The following WDR17 variants were observed in gnomAD, a reference collection of about 807,000 sequenced individuals.
WDR17 encodes the protein WD repeat-containing protein 17.
WDR17 carries 143 observed loss-of-function variants against 161.7 expected under a neutral mutation model. That is an observed-to-expected ratio of 0.88 (90% CI 0.77 to 1.02). The LOEUF (loss-of-function observed/expected upper bound fraction) is 1.02, where lower values mean the gene tolerates loss of function less well. WDR17 is among the 50% of genes least tolerant of loss of function. The pLI is 0.00. For missense variants in WDR17, 1,469 were observed against 1,520.9 expected (o/e 0.97, Z 0.57); for synonymous variants, 517 against 515.6 (o/e 1.00, Z -0.04).
intron 1 of WDR17, among the ~76,000 whole-genome samples, chr4:176,076,408 GTT>G (rs564678477): frequency 1.8e-5 from 2 of 109,338 alleles, no homozygotes; most frequent in African/African-American, 3.5e-5. Context: ...GTCGTTGTTG[GTT>G]TTTTTTTTTT....
chr4:176,105,018 T>G (rs957924733), intron 1 of WDR17, among the ~76,000 whole-genome samples: 4 of 150,934 alleles, frequency 2.7e-5, no homozygotes, highest in African/African-American at 4.9e-5. Context: ...ACAAATAGAT[T>G]GAAAGTAAAA....
At chr4:176,128,966 A>G in intron 6 of WDR17, 106 bp downstream of exon 6, 2 of 1,038,838 alleles carry the variant, frequency 1.9e-6, no homozygotes, top group East Asian at 3.1e-5. Flanking sequence ...CTGAAAAGCA[A>G]TTTTTAAAAA....
At chr4:176,170,435 C>T (rs900732025) in intron 23 of WDR17, among the ~76,000 whole-genome samples, 3 of 151,836 alleles carry the variant, frequency 2.0e-5, no homozygotes, top group Admixed American at 6.6e-5. Context: ...CCTGCCCCAC[C>T]CTCCCAAGTA....
At chr4:176,162,306 T>G in intron 21 of WDR17, 132 bp downstream of exon 21, 1 of 666,472 alleles carries the variant, frequency 1.5e-6, no homozygotes, top group Non-Finnish European at 2.5e-6. Context: ...AGTAATTAAG[T>G]AATTACATTC....
intron 17 of WDR17, among the ~76,000 whole-genome samples, chr4:176,152,367 C>T (rs1229208291): frequency 2.7e-5 from 4 of 147,226 alleles, no homozygotes; most frequent in South Asian, 2.2e-4. Flanking sequence ...GAGGCCAAGT[C>T]GGGTGGATCA....
At chr4:176,084,495 T>C (rs962047776) in intron 1 of WDR17, among the ~76,000 whole-genome samples, 3 of 151,890 alleles carry the variant, frequency 2.0e-5, no homozygotes, top group Non-Finnish European at 4.4e-5. Flanking sequence ...CCTCCAACAT[T>C]GTGATCAAAT....
intron 1 of WDR17, among the ~76,000 whole-genome samples, chr4:176,103,438 GA>G (rs143016566): frequency 0.03 from 4,535 of 150,214 alleles, 220 homozygotes; most frequent in African/African-American, 0.1. Context: ...TCTTTCAGTG[GA>G]AAAAAAAATA....
At position 176,146,135 on chromosome 4, in the gene WDR17, T is replaced by C. The variant is rs1052286887; in HGVS notation, c.1670T>C (p.Ile557Thr). The change falls in exon 12 of 29, where the codon ATT (isoleucine) becomes ACT (threonine). Residue 557 changes from isoleucine (I) to threonine (T), a missense_variant. By Grantham distance (89) the Ile-to-Thr change is moderately conservative. Coordinates refer to ENST00000508596, the MANE Select transcript of WDR17 (RefSeq NM_181265.4). ...AAATGGTCTCCTCTGAGAGAGGGAA[T>C]TCTTTGCAGTGGTTCTGATGATGGG... ...HVKWSPLREG[I>T]LCSGSDDGTV... is the part of the protein sequence containing the mutation. 2 of 1,613,656 alleles carry C rather than the reference T, an allele frequency of 1.2e-6. No homozygotes were observed. Among genetic ancestry groups the C allele is most frequent in the Non-Finnish European group, 1.7e-6 (2 of 1,179,800 alleles).
At chr4:176,128,949 T>TATCTGAAATGCACTGAA in intron 6 of WDR17, 89 bp downstream of exon 6, 1 of 1,226,452 alleles carries the variant, frequency 8.2e-7, no homozygotes, top group Non-Finnish European at 1.1e-6. Context: ...TCAAATACTA[T>TATCTGAAATGCACTGAA]ATGCCACTGA....
chr4:176,071,811 T>C (rs946862529), intron 1 of WDR17, among the ~76,000 whole-genome samples: 3 of 152,232 alleles, frequency 2.0e-5, no homozygotes, highest in Non-Finnish European at 1.5e-5. Flanking sequence ...CATATAATTT[T>C]CATTTTCATG....
chr4:176,163,561 C>T (rs1217548535), intron 22 of WDR17, among the ~76,000 whole-genome samples: 1 of 152,176 alleles, frequency 6.6e-6, no homozygotes, highest in Non-Finnish European at 1.5e-5. Context: ...CATGAGACAA[C>T]AAATGTGCTC....
rs1381813960 is a variant in WDR17, at chr4:176,115,987, T to A, written c.307+8T>A. ...AACTCGACAGTACAAAAGGTATAAT[T>A]ACAACTGGGATTTATTTTATGGAAT... On this transcript the variant is annotated splice_region_variant and intron_variant, in intron 3 of 28. Transcript: ENST00000508596. The A allele has an allele frequency of 6.3e-7, 1 of 1,586,042 alleles. No homozygotes were observed. Among genetic ancestry groups the A allele is most frequent in the East Asian group, 2.3e-5 (1 of 43,398 alleles).
chr4:176,120,907 T>C (rs9999477), intron 4 of WDR17, among the ~76,000 whole-genome samples: 38,879 of 151,972 alleles, frequency 0.26, 5,165 homozygotes, highest in African/African-American at 0.31. Flanking sequence ...AAAATTTAAA[T>C]AAATCTTTCT....
rs575149030 is a variant in WDR17, at chr4:176,110,270, T to G, written c.-6-1305T>G. Among the ~76,000 whole-genome samples, 590 of 152,236 alleles carry G rather than the reference T, an allele frequency of 3.9e-3. 5 individuals are homozygous for G. The highest frequency in any genetic ancestry group is 0.013 in the African/African-American group (541 of 41,540). Reference sequence around the variant, plus strand: ...CATTCTCCTGCCTCAGCCTCCTGAGTAGCTGGGACCACAGGTGCCCGTCAC... The same window carrying G: ...CATTCTCCTGCCTCAGCCTCCTGAGGAGCTGGGACCACAGGTGCCCGTCAC... On this transcript the variant is annotated intron_variant, in intron 1 of 28. Coordinates refer to ENST00000508596, the MANE Select transcript of WDR17 (RefSeq NM_181265.4).
Position 176,130,740 on chromosome 4 carries a change from G to A in WDR17, c.914-814G>A, listed in dbSNP as rs376579385. On this transcript the variant is annotated intron_variant, in intron 6 of 28. Transcript: ENST00000508596. Reference sequence around the variant, plus strand: ...AGCCCGGGCAACAGAGCGAGACTCCGTCTCAAAAAAAAAAAAAAAAAAACT... The same window carrying A: ...AGCCCGGGCAACAGAGCGAGACTCCATCTCAAAAAAAAAAAAAAAAAAACT... 4.6e-4 allele frequency among the ~76,000 whole-genome samples: 61 copies of A among 133,718 alleles called. 1 individual carries two copies. In the East Asian group the frequency reaches 0.011, roughly 24 times the overall value. The allele number at this position is 133,718 out of a possible 152,430, so 87.7% of individuals were successfully genotyped here.
chr4:176,121,536 A>G (rs991702183), intron 4 of WDR17, among the ~76,000 whole-genome samples: 1 of 152,170 alleles, frequency 6.6e-6, no homozygotes, highest in African/African-American at 2.4e-5. Flanking sequence ...TTTCTTTTCA[A>G]ACTAGATCTG....
At chr4:176,112,655 C>T (rs1321381333) in intron 2 of WDR17, among the ~76,000 whole-genome samples, 1 of 152,090 alleles carries the variant, frequency 6.6e-6, no homozygotes, top group Non-Finnish European at 1.5e-5. Context: ...CCTGTATGAA[C>T]TCTTTTCCAT....
rs1348885339 is a variant in WDR17 at position 176,125,206 on chromosome 4, A to G, written c.641A>G (p.Tyr214Cys). The G allele has an allele frequency of 3.1e-6, 5 of 1,614,166 alleles. No homozygotes were observed. Among genetic ancestry groups the G allele is most frequent in the Non-Finnish European group, 4.2e-6 (5 of 1,180,020 alleles). The change falls in exon 5 of 29, where the codon TAT (tyrosine) becomes TGT (cysteine). Residue 214 changes from tyrosine (Y) to cysteine (C), a missense_variant. Transcript: ENST00000508596. ...ALEWDPLSTD[Y>C]LLVVNLHYGI... ...GAATGGGACCCACTATCTACTGATTATCTTCTAGTGGTTAATTTGCATTAT... is the reference window on the plus strand; with the variant it reads ...GAATGGGACCCACTATCTACTGATTGTCTTCTAGTGGTTAATTTGCATTAT...
At chr4:176,168,819 G>A (rs1750270344) in intron 23 of WDR17, 36 bp downstream of exon 23, 1 of 1,593,370 alleles carries the variant, frequency 6.3e-7, no homozygotes, top group East Asian at 2.2e-5. Flanking sequence ...GGTTTGGAAT[G>A]CAGTGCTATG....
Sources: gnomAD v4.1 joint callset for allele counts (sites outside exome capture counted in the v4.1 genomes callset) on GRCh38, gnomAD v4.1.1 for gene constraint, MANE v1.5 for transcripts, NCBI Gene and HGNC (gene_info 2026-07-23, HGNC 2026-07-21) for gene names.